The following SYT9 variants were observed in gnomAD, a reference collection of about 807,000 sequenced individuals.
SYT9 encodes synaptotagmin 9.
A neutral mutation model predicts 48.4 loss-of-function variants in SYT9; 22 were observed. The observed-to-expected ratio is 0.45, with a 90% CI of 0.32 to 0.65. The LOEUF (loss-of-function observed/expected upper bound fraction) is 0.65. Ranked by LOEUF, SYT9 falls within the 30% of genes least tolerant of loss-of-function variation. SYT9 has a pLI of 0.03. For missense variants in SYT9, 577 were observed against 622.0 expected (o/e 0.93, Z 0.77); for synonymous variants, 265 against 245.0 (o/e 1.08, Z -0.76).
chr11:7,435,788 C>T (rs1847694953), intron 6 of SYT9: 1 of 152,128 alleles, frequency 6.6e-6, no homozygotes, highest in Non-Finnish European at 1.5e-5. Flanking sequence ...CAAGATCAGC[C>T]CGACTAACAT....
intron 3 of SYT9, among the ~76,000 whole-genome samples, chr11:7,360,378 A>G (rs1455520974): frequency 2.6e-5 from 4 of 152,128 alleles, no homozygotes; most frequent in Non-Finnish European, 5.9e-5. Context: ...GTTTTTTCCA[A>G]TTCTGGGAAG....
intron 3 of SYT9, among the ~76,000 whole-genome samples, chr11:7,349,247 C>T (rs1335076786): frequency 1.3e-5 from 2 of 151,926 alleles, no homozygotes; most frequent in Non-Finnish European, 1.5e-5. Flanking sequence ...GGGGTGATGC[C>T]AGCATTCTGG....
chr11:7,282,733 C>A (rs1220660859), intron 1 of SYT9, among the ~76,000 whole-genome samples: 1 of 152,142 alleles, frequency 6.6e-6, no homozygotes, highest in Non-Finnish European at 1.5e-5. Flanking sequence ...TGCTTTCTGG[C>A]AGTTGTTTCC....
At chr11:7,455,056 CTA>C (rs934619245) in intron 6 of SYT9, among the ~76,000 whole-genome samples, 1 of 152,072 alleles carries the variant, frequency 6.6e-6, no homozygotes, top group Non-Finnish European at 1.5e-5. Context: ...AGATGAAAAG[CTA>C]ATAGTTGGAA....
chr11:7,464,759 G>T (rs183580429), intron 6 of SYT9, among the ~76,000 whole-genome samples: 6 of 152,080 alleles, frequency 3.9e-5, no homozygotes, highest in Non-Finnish European at 7.4e-5. Context: ...AGGGAACCAC[G>T]GGCCTGATGT....
At chr11:7,415,161 A>G (rs1358278638) in intron 3 of SYT9, among the ~76,000 whole-genome samples, 1 of 152,176 alleles carries the variant, frequency 6.6e-6, no homozygotes, top group Non-Finnish European at 1.5e-5. Context: ...GCAAAGTGGA[A>G]CTGTGAAAGG....
Position 7,400,406 on chromosome 11 carries a change from GGAA to G in SYT9, c.1045-15631_1045-15629del, listed in dbSNP as rs1846865535. 3.9e-5 allele frequency among the ~76,000 whole-genome samples: 6 copies of G among 152,264 alleles called. No homozygotes were observed. In the South Asian group the frequency reaches 1.2e-3, roughly 32 times the overall value. ...TACCTTCAGAGTCTGTCAGTCAGCT[GGAA>G]GAAGTAGATATTAAGAAGTTTCTAA... On this transcript the variant is annotated intron_variant, in intron 3 of 6. Transcript: ENST00000318881.
rs1386759613 is a variant in SYT9, at chr11:7,252,266, A to C, written c.80A>C (p.His27Pro). ...AELCARGALEHDSCQDFIYHL... is the reference protein window; with the variant it reads ...AELCARGALEPDSCQDFIYHL... ...CTCTGTGCCCGTGGGGCCCTGGAGC[A>C]CGACAGCTGCCAGGATTTCATTTAC... is the stretch of plus-strand genomic sequence containing the variant. Residue 27 changes from histidine (H) to proline (P), a missense_variant, in exon 1 of 7, where the codon CAC becomes CCC. His to Pro is a moderately conservative substitution (Grantham distance 77). Coordinates refer to ENST00000318881, the MANE Select transcript of SYT9 (RefSeq NM_175733.4). The surrounding 1 kb of genome is among the most constrained non-coding windows in gnomAD (Gnocchi z 6.3). 2 of 1,510,232 alleles carry C rather than the reference A, an allele frequency of 1.3e-6. No homozygotes were observed. The highest frequency in any genetic ancestry group is 2.5e-5 in the South Asian group (2 of 79,902). 93.6% of individuals were successfully genotyped at this position (1,510,232 alleles called of 1,614,324 possible).
chr11:7,468,098 TCC>T lies in SYT9; in HGVS notation c.*1299_*1300del. On this transcript the variant is annotated 3_prime_UTR_variant, in exon 7 of 7. Transcript: ENST00000318881. ...CCCATTATAGGTGCAAGGCACCCCA[TCC>T]ACACATTTGCACCACTACTCCAAGA... The T allele has an allele frequency of 2.5e-6, 1 of 393,532 alleles. No individual in the cohort carries two copies. Among genetic ancestry groups the T allele is most frequent in the Non-Finnish European group, 4.5e-6 (1 of 223,112 alleles). The allele number at this position is 393,532 out of a possible 1,614,324, so 24.4% of individuals were successfully genotyped here. A position where few individuals can be genotyped will look rare whatever the true frequency, so the allele number is the denominator to read the frequency against.
At chr11:7,382,415 T>C (rs1850582608) in intron 3 of SYT9, among the ~76,000 whole-genome samples, 1 of 152,138 alleles carries the variant, frequency 6.6e-6, no homozygotes, top group Admixed American at 6.5e-5. Context: ...CTTTAGCCAC[T>C]GAGAGGAATT....
rs1272171671 is a variant in SYT9 at position 7,357,333 on chromosome 11, C to G, written c.1044+43392C>G. Among the ~76,000 whole-genome samples the G allele has an allele frequency of 2.0e-5, 3 of 152,160 alleles. No homozygotes were observed. In the East Asian group the frequency reaches 5.8e-4, roughly 29 times the overall value. ...AAGGACTATGTTAATATCATCTTAC[C>G]TTGATAGAATAGCAAAAGAGAGCCA... On this transcript the variant is annotated intron_variant, in intron 3 of 6. Transcript: ENST00000318881.
At chr11:7,287,604 C>T (rs1848620241) in intron 1 of SYT9, among the ~76,000 whole-genome samples, 1 of 152,146 alleles carries the variant, frequency 6.6e-6, no homozygotes, top group African/African-American at 2.4e-5. Context: ...CTTAGTTATT[C>T]AAAGGCCACA....
intron 1 of SYT9, among the ~76,000 whole-genome samples, chr11:7,274,289 T>C (rs1179802718): frequency 6.6e-6 from 1 of 151,382 alleles, no homozygotes; most frequent in East Asian, 1.9e-4. Context: ...GATTCTACAC[T>C]CTTTCCTTAT....
intron 6 of SYT9, among the ~76,000 whole-genome samples, chr11:7,433,859 GT>G (rs1166661564): frequency 1.3e-5 from 2 of 152,286 alleles, no homozygotes; most frequent in African/African-American, 4.8e-5. Flanking sequence ...AAGATATTTT[GT>G]TATAGTAGCC....
chr11:7,408,381 G>C (rs1466743179), intron 3 of SYT9, among the ~76,000 whole-genome samples: 1 of 152,202 alleles, frequency 6.6e-6, no homozygotes, highest in Non-Finnish European at 1.5e-5. Flanking sequence ...ACTCGCCTCA[G>C]CCTCCCAAAG....
chr11:7,423,000 C>G (rs1393806437), intron 6 of SYT9, among the ~76,000 whole-genome samples: 1 of 152,198 alleles, frequency 6.6e-6, no homozygotes, highest in African/African-American at 2.4e-5. Context: ...AGGGTTAAAC[C>G]ACTGAAACTT....
chr11:7,430,098 ACT>A (rs1462861100), intron 6 of SYT9, among the ~76,000 whole-genome samples: 2 of 152,100 alleles, frequency 1.3e-5, no homozygotes, highest in East Asian at 3.9e-4. Context: ...GAAGATCTAC[ACT>A]CTTTTAACAC....
chr11:7,379,394 G>A (rs1255970840), intron 3 of SYT9, among the ~76,000 whole-genome samples: 3 of 152,062 alleles, frequency 2.0e-5, no homozygotes, highest in Non-Finnish European at 2.9e-5. Context: ...GTGTTCCTAG[G>A]ATGCTGAATT....
intron 3 of SYT9, among the ~76,000 whole-genome samples, chr11:7,333,406 C>T (rs1291497468): frequency 6.6e-6 from 1 of 152,148 alleles, no homozygotes; most frequent in Non-Finnish European, 1.5e-5. Flanking sequence ...TCTATAAGGC[C>T]CTGGCTCTCT....
Sources: allele counts gnomAD v4.1 joint callset (sites outside exome capture counted in the v4.1 genomes callset), GRCh38; gene constraint gnomAD v4.1.1; non-coding constraint Gnocchi (gnomAD v3.1); transcripts MANE v1.5; gene names NCBI Gene and HGNC (gene_info 2026-07-23, HGNC 2026-07-21).